The following OBI1 variants were observed in gnomAD, a reference collection of about 807,000 sequenced individuals.
OBI1 encodes ORC ubiquitin ligase 1.
In OBI1, 59 loss-of-function variants were observed where a neutral mutation model predicts 62.4. The ratio of observed to expected loss-of-function variants is 0.95; its 90% CI spans 0.77 to 1.17. OBI1 has a LOEUF of 1.17. Ranked by LOEUF, OBI1 falls within the 50% of genes most tolerant of loss-of-function variation. The pLI, the probability that OBI1 is intolerant of heterozygous loss-of-function variation, is 0.00. For missense variants in OBI1, 875 were observed against 830.9 expected (o/e 1.05, Z -0.65); for synonymous variants, 302 against 292.8 (o/e 1.03, Z -0.32).
At chr13:78,653,407 T>C (rs1259201808) in intron 1 of OBI1, among the ~76,000 whole-genome samples, 2 of 152,236 alleles carry the variant, frequency 1.3e-5, no homozygotes, top group Non-Finnish European at 2.9e-5. Flanking sequence ...GTCAAAGGAA[T>C]CTTACTAATA....
intron 5 of OBI1, among the ~76,000 whole-genome samples, chr13:78,628,057 A>T (rs1239826109): frequency 6.6e-6 from 1 of 152,222 alleles, no homozygotes; most frequent in Non-Finnish European, 1.5e-5. Context: ...CCACGCAATT[A>T]AATGAACAAG....
intron 2 of OBI1, among the ~76,000 whole-genome samples, chr13:78,643,538 C>G (rs764687576): frequency 6.6e-6 from 1 of 152,176 alleles, no homozygotes; most frequent in African/African-American, 2.4e-5. Context: ...CTGTAATTCC[C>G]AGCACTTTGG....
intron 1 of OBI1, among the ~76,000 whole-genome samples, chr13:78,649,726 G>C (rs557056324): frequency 6.6e-6 from 1 of 152,270 alleles, no homozygotes; most frequent in East Asian, 1.9e-4. Context: ...AGTCAAGAGG[G>C]GAAAGGGATC....
At chr13:78,633,321 C>T (rs1210845782) in intron 5 of OBI1, among the ~76,000 whole-genome samples, 1 of 152,108 alleles carries the variant, frequency 6.6e-6, no homozygotes, top group African/African-American at 2.4e-5. Flanking sequence ...AACGTAAAAG[C>T]CATGCTTTTT....
At chr13:78,621,865 T>C (rs1418361320) in intron 5 of OBI1, among the ~76,000 whole-genome samples, 1 of 152,180 alleles carries the variant, frequency 6.6e-6, no homozygotes, top group Non-Finnish European at 1.5e-5. Context: ...TGATGCAAAC[T>C]TAGGAGTGTG....
At chr13:78,646,212 T>C (rs1433469398) in intron 1 of OBI1, among the ~76,000 whole-genome samples, 1 of 152,170 alleles carries the variant, frequency 6.6e-6, no homozygotes, top group East Asian at 1.9e-4. Context: ...TTACCTGATA[T>C]TATACTCGTG....
chr13:78,624,320 A>C (rs1875601461), intron 5 of OBI1, among the ~76,000 whole-genome samples: 1 of 152,234 alleles, frequency 6.6e-6, no homozygotes, highest in Non-Finnish European at 1.5e-5. Context: ...GGGGAACAAG[A>C]CAAAGAATTA....
intron 5 of OBI1, among the ~76,000 whole-genome samples, chr13:78,630,021 G>A (rs1875798630): frequency 6.6e-6 from 1 of 152,110 alleles, no homozygotes; most frequent in South Asian, 2.1e-4. Context: ...ACTCCTAACA[G>A]CACATGCTGT....
At chr13:78,642,068 GT>G in intron 3 of OBI1, 53 bp downstream of exon 3, 2 of 1,080,986 alleles carry the variant, frequency 1.9e-6, no homozygotes, top group Non-Finnish European at 2.8e-6. Context: ...AGGTAGGTCA[GT>G]TTTTACCTTG....
At chr13:78,626,245 T>A (rs1297581891) in intron 5 of OBI1, among the ~76,000 whole-genome samples, 1 of 152,226 alleles carries the variant, frequency 6.6e-6, no homozygotes, top group East Asian at 1.9e-4. Flanking sequence ...ATCTCTGATT[T>A]CCTGTTTTCT....
intron 3 of OBI1, among the ~76,000 whole-genome samples, chr13:78,639,840 T>G (rs7990322): frequency 0.26 from 28,374 of 110,240 alleles, 3,587 homozygotes; most frequent in East Asian, 0.31. Context: ...TGGGGACTGT[T>G]GTGGGGTGGG....
intron 3 of OBI1, 49 bp downstream of exon 3, chr13:78,642,073 T>C (rs2137457324): frequency 2.6e-6 from 3 of 1,132,416 alleles, no homozygotes; most frequent in African/African-American, 1.5e-5. Context: ...GGTCAGTTTT[T>C]ACCTTGAATT....
chr13:78,634,485 C>T (rs4569143), intron 5 of OBI1, among the ~76,000 whole-genome samples: 14,126 of 151,916 alleles, frequency 0.093, 740 homozygotes, highest in Middle Eastern at 0.15. Context: ...TTAGTAGAGA[C>T]GGGGTTCTGC....
chr13:78,655,629 C>T (rs1297665618), intron 1 of OBI1, among the ~76,000 whole-genome samples: 1 of 152,174 alleles, frequency 6.6e-6, no homozygotes, highest in Non-Finnish European at 1.5e-5. Flanking sequence ...GATTTAATGC[C>T]CTGCCCTCAT....
chr13:78,617,085 C>A lies in OBI1; in HGVS notation c.676G>T (p.Val226Leu), dbSNP rs200475340. Residue 226 changes from valine (V) to leucine (L), a missense_variant, in exon 6 of 6, where the codon GTA becomes TTA. Physicochemically the swap from Val to Leu is conservative, Grantham distance 32. Coordinates refer to ENST00000282003, the MANE Select transcript of OBI1 (RefSeq NM_024546.4). ...TTGGTTTCACGCTCATACTGTTCTACTTTGGACTGAAGAGCAGCAACTGCA... is the reference window on the plus strand; with the variant it reads ...TTGGTTTCACGCTCATACTGTTCTAATTTGGACTGAAGAGCAGCAACTGCA... Reference protein sequence around the residue: ...RFAVAALQSKVEQYERETNRL... With the variant: ...RFAVAALQSKLEQYERETNRL... 4.1e-5 allele frequency: 65 copies of A among 1,582,838 alleles called. 1 individual carries two copies. The East Asian group carries it at 1.4e-3, about 34-fold the overall frequency.
chr13:78,627,341 C>T (rs1875705381), intron 5 of OBI1, among the ~76,000 whole-genome samples: 2 of 148,500 alleles, frequency 1.3e-5, no homozygotes, highest in African/African-American at 5.0e-5. Context: ...GATACATGTG[C>T]AGAACATTCA....
At chr13:78,642,575 C>A (rs1255252658) in intron 2 of OBI1, among the ~76,000 whole-genome samples, 2 of 152,134 alleles carry the variant, frequency 1.3e-5, no homozygotes, top group Admixed American at 6.5e-5. Flanking sequence ...TTACATTTAA[C>A]CAAGAGATTA....
At chr13:78,617,941 A>T (rs1875371028) in intron 5 of OBI1, among the ~76,000 whole-genome samples, 1 of 152,144 alleles carries the variant, frequency 6.6e-6, no homozygotes, top group Non-Finnish European at 1.5e-5. Context: ...CACCGGGATT[A>T]TCTTGCTGTT....
At chr13:78,653,924 C>A (rs987455806) in intron 1 of OBI1, among the ~76,000 whole-genome samples, 2 of 150,598 alleles carry the variant, frequency 1.3e-5, no homozygotes, top group African/African-American at 4.9e-5. Flanking sequence ...ACTACTTCAA[C>A]ATTAGGAATT....
Sources: allele counts gnomAD v4.1 joint callset (sites outside exome capture counted in the v4.1 genomes callset), GRCh38; gene constraint gnomAD v4.1.1; transcripts MANE v1.5; gene names NCBI Gene and HGNC (gene_info 2026-07-23, HGNC 2026-07-21).